The following IDO2 variants were observed in gnomAD, a reference collection of about 807,000 sequenced individuals.
The protein encoded by IDO2 is indoleamine 2,3-dioxygenase-like 1 protein.
In IDO2, 46 loss-of-function variants were observed where a neutral mutation model predicts 45.1. That is an observed-to-expected ratio of 1.02 (90% CI 0.80 to 1.30). The LOEUF (loss-of-function observed/expected upper bound fraction) is 1.30, where lower values mean the gene tolerates loss of function less well. Ranked by LOEUF, IDO2 falls within the 50% of genes most tolerant of loss-of-function variation. The pLI, the probability that IDO2 is intolerant of heterozygous loss-of-function variation, is 0.00. For synonymous variants in IDO2, 218 were observed against 184.9 expected, an observed-to-expected ratio of 1.18 and a Z score of -1.45; for missense variants, 544 against 491.8, an observed-to-expected ratio of 1.11 and a Z score of -1.00.
chr8:39,959,062 A>G (rs994322887), intron 2 of IDO2, among the ~76,000 whole-genome samples: 4 of 151,028 alleles, frequency 2.6e-5, no homozygotes, highest in Admixed American at 2.0e-4. Context: ...CTTAGTATTG[A>G]TTAATACTGT....
At chr8:39,976,887 T>C (rs1180696339) in intron 3 of IDO2, among the ~76,000 whole-genome samples, 2 of 152,194 alleles carry the variant, frequency 1.3e-5, no homozygotes, top group Non-Finnish European at 2.9e-5. Flanking sequence ...ACACCTGTCA[T>C]CAGGGACAAA....
chr8:39,974,925 C>A (rs1808236040), intron 3 of IDO2, among the ~76,000 whole-genome samples: 1 of 149,880 alleles, frequency 6.7e-6, no homozygotes, highest in Admixed American at 7.0e-5. Flanking sequence ...GAGACTCCGT[C>A]TAAAAACAAA....
chr8:39,993,822 C>T (rs932771883), intron 8 of IDO2, among the ~76,000 whole-genome samples: 3 of 152,032 alleles, frequency 2.0e-5, no homozygotes, highest in African/African-American at 4.8e-5. Flanking sequence ...GGGTAGCCAA[C>T]GTGGTGAAAC....
At chr8:39,981,409 G>T (rs1169709725) in intron 4 of IDO2, among the ~76,000 whole-genome samples, 1 of 151,996 alleles carries the variant, frequency 6.6e-6, no homozygotes, top group Non-Finnish European at 1.5e-5. Context: ...GTCTAGGCAC[G>T]TCCCAGTGGG....
chr8:39,969,305 A>G (rs1808145607), intron 3 of IDO2, among the ~76,000 whole-genome samples: 1 of 152,168 alleles, frequency 6.6e-6, no homozygotes, highest in African/African-American at 2.4e-5. Context: ...TTACTATTAC[A>G]TCTGTTACAG....
At chr8:39,941,115 A>C in intron 1 of IDO2, among the ~76,000 whole-genome samples, 1 of 149,510 alleles carries the variant, frequency 6.7e-6, no homozygotes, top group Non-Finnish European at 1.5e-5. Flanking sequence ...CCAGCTACTC[A>C]GGAGGCTGAG....
chr8:39,952,230 G>A (rs993724318), intron 2 of IDO2, among the ~76,000 whole-genome samples: 5 of 152,152 alleles, frequency 3.3e-5, no homozygotes, highest in Admixed American at 2.6e-4. Context: ...AGTAGATAGA[G>A]AATCACAATT....
intron 1 of IDO2, 105 bp downstream of exon 1, chr8:39,935,323 T>G (rs2129592766): frequency 1.1e-6 from 1 of 934,692 alleles, no homozygotes; most frequent in Non-Finnish European, 1.7e-6. Context: ...TGTTCTCTAT[T>G]GTAAAATTCC....
chr8:39,980,834 C>A (rs148148727), intron 4 of IDO2, among the ~76,000 whole-genome samples: 1 of 152,142 alleles, frequency 6.6e-6, no homozygotes, highest in Non-Finnish European at 1.5e-5. Flanking sequence ...ACTGCAACCT[C>A]GGCTTCCTGG....
Position 40,014,302 on chromosome 8 carries a change from C to T in IDO2, c.868+589C>T, listed in dbSNP as rs560051262. ...TTAGTGTCGTAGATTCAAGTCACTT[C>T]TCTAAAACTGTCATAATTTTTCACG... On this transcript the variant is annotated intron_variant, in intron 10 of 10. Coordinates refer to ENST00000502986, the Ensembl canonical transcript of IDO2. Among the ~76,000 whole-genome samples the T allele has an allele frequency of 3.4e-4, 52 of 152,288 alleles. 1 individual carries two copies. Among genetic ancestry groups the T allele is most frequent in the African/African-American group, 1.1e-3 (47 of 41,560 alleles).
intron 1 of IDO2, among the ~76,000 whole-genome samples, chr8:39,946,845 G>C (rs989595227): frequency 2.6e-5 from 4 of 151,548 alleles, no homozygotes; most frequent in Non-Finnish European, 4.4e-5. Flanking sequence ...TTAGTGGTAG[G>C]GTCCCAAAAG....
chr8:39,974,018 G>A (rs760716905), intron 3 of IDO2, among the ~76,000 whole-genome samples: 30 of 152,168 alleles, frequency 2.0e-4, no homozygotes, highest in Admixed American at 4.6e-4. Flanking sequence ...GGGATTACAG[G>A]TGTGAGCCAC....
intron 10 of IDO2, 31 bp from the exon 11 acceptor site, chr8:40,015,216 C>A: frequency 1.6e-6 from 2 of 1,228,772 alleles, no homozygotes; most frequent in South Asian, 1.3e-5. Flanking sequence ...CCATGTGGAG[C>A]TATGACGTTA....
chr8:40,004,158 C>T (rs1802179546), intron 8 of IDO2, among the ~76,000 whole-genome samples: 1 of 152,114 alleles, frequency 6.6e-6, no homozygotes, highest in Non-Finnish European at 1.5e-5. Flanking sequence ...AAGTAGGACC[C>T]AGTAAAAATC....
intron 3 of IDO2, among the ~76,000 whole-genome samples, chr8:39,975,154 T>G (rs1305509946): frequency 7.8e-6 from 1 of 127,904 alleles, no homozygotes; most frequent in Non-Finnish European, 1.6e-5. Flanking sequence ...TGGCACAACA[T>G]TGGAGTTTTT....
At chr8:39,939,363 A>G (rs899549689) in intron 1 of IDO2, among the ~76,000 whole-genome samples, 1 of 151,718 alleles carries the variant, frequency 6.6e-6, no homozygotes, top group Non-Finnish European at 1.5e-5. Flanking sequence ...CCTTGCCAAC[A>G]TGACAAAACC....
At chr8:39,947,016 C>A (rs765145024) in intron 1 of IDO2, among the ~76,000 whole-genome samples, 3 of 151,578 alleles carry the variant, frequency 2.0e-5, no homozygotes, top group Admixed American at 6.6e-5. Flanking sequence ...AAAAAATTGG[C>A]GTGGTGGTGG....
At chr8:40,007,750 C>T (rs2129595434) in intron 9 of IDO2, among the ~76,000 whole-genome samples, 1 of 152,266 alleles carries the variant, frequency 6.6e-6, no homozygotes, top group African/African-American at 2.4e-5. Flanking sequence ...AAACAATATG[C>T]ATTCATTGTT....
chr8:39,953,010 C>A (rs1379560188), intron 2 of IDO2, among the ~76,000 whole-genome samples: 1 of 151,750 alleles, frequency 6.6e-6, no homozygotes, highest in Non-Finnish European at 1.5e-5. Flanking sequence ...TCAGGTGATC[C>A]ACCCTCCTTG....
Sources: allele counts gnomAD v4.1 joint callset (sites outside exome capture counted in the v4.1 genomes callset), GRCh38; gene constraint gnomAD v4.1.1; transcripts MANE v1.5; gene names NCBI Gene and HGNC (gene_info 2026-07-23, HGNC 2026-07-21).